PLEKHH2: variants seen among roughly 807,000 people sequenced by gnomAD.
PLEKHH2 encodes pleckstrin homology, MyTH4 and FERM domain containing H2, also known as pleckstrin homology domain-containing family H member 2.
In PLEKHH2, 129 loss-of-function variants were observed where a neutral mutation model predicts 187.9. The ratio of observed to expected loss-of-function variants is 0.69; its 90% CI spans 0.59 to 0.79. The LOEUF (loss-of-function observed/expected upper bound fraction) is 0.79. Among genes scored for constraint, PLEKHH2 ranks in the 30% least tolerant of loss-of-function variants. The pLI, the probability that PLEKHH2 is intolerant of heterozygous loss-of-function variation, is 0.00. For synonymous variants in PLEKHH2, 686 were observed against 605.6 expected (o/e 1.13, Z -1.95); for missense variants, 2,076 against 1,751.2 (o/e 1.19, Z -3.31).
intron 22 of PLEKHH2, among the ~76,000 whole-genome samples, chr2:43,743,623 T>A (rs1294300869): frequency 2.6e-5 from 4 of 152,238 alleles, no homozygotes; most frequent in Admixed American, 6.5e-5. Flanking sequence ...GTCTGTTGGC[T>A]GAAGCTGAGA....
chr2:43,707,638 C>T lies in PLEKHH2; in HGVS notation c.1966+93C>T, dbSNP rs17031331. 2,936 of 1,459,568 alleles carry T rather than the reference C, an allele frequency of 2.0e-3. 55 individuals are homozygous for T. In the African/African-American group the frequency reaches 0.037, roughly 18 times the overall value. The allele number at this position is 1,459,568 out of a possible 1,614,324, so 90.4% of individuals were successfully genotyped here. Reference sequence around the variant, plus strand: ...TCCATTACAGGATTATTTTTTAAATCCAAGAACTTGCTTCAGACCCTAGTG... The same window carrying T: ...TCCATTACAGGATTATTTTTTAAATTCAAGAACTTGCTTCAGACCCTAGTG... On this transcript the variant is annotated intron_variant, in intron 11 of 29. Coordinates refer to ENST00000282406, the MANE Select transcript of PLEKHH2 (RefSeq NM_172069.4).
Position 43,745,863 on chromosome 2 carries a change from T to C in PLEKHH2, c.3556-3T>C. ...AAATCTCAGTTTTCCACTTCCTTTC[T>C]AGATTTGTGACATTATTTCCAAATG... On this transcript the variant is annotated splice_polypyrimidine_tract_variant and splice_region_variant and intron_variant, in intron 23 of 29. Coordinates refer to ENST00000282406, the MANE Select transcript of PLEKHH2 (RefSeq NM_172069.4). The C allele has an allele frequency of 6.3e-7, 1 of 1,598,146 alleles. No individual in the cohort carries two copies. The highest frequency in any genetic ancestry group is 8.6e-7 in the Non-Finnish European group (1 of 1,168,720).
rs749381983 is a variant in PLEKHH2 at position 43,758,888 on chromosome 2, C to T, written c.3942-12C>T. 6.5e-7 allele frequency: 1 copy of T among 1,545,214 alleles called. No homozygotes were observed. The highest frequency in any genetic ancestry group is 8.8e-7 in the Non-Finnish European group (1 of 1,140,798). On this transcript the variant is annotated splice_polypyrimidine_tract_variant and intron_variant, in intron 26 of 29. Transcript: ENST00000282406. ...TTAGTGTTTTTGTTTTTGTTCTTTT[C>T]TTTTTTTTTAGGCAGCTTTGCCAGC...
chr2:43,709,729 G>A (rs780602732), intron 11 of PLEKHH2, among the ~76,000 whole-genome samples: 20 of 152,152 alleles, frequency 1.3e-4, no homozygotes, highest in Non-Finnish European at 2.6e-4. Flanking sequence ...CCAGCTACTC[G>A]GGAGGCTGAG....
At chr2:43,665,829 G>T (rs1273166977) in intron 2 of PLEKHH2, among the ~76,000 whole-genome samples, 2 of 134,024 alleles carry the variant, frequency 1.5e-5, no homozygotes, top group Non-Finnish European at 3.1e-5. Context: ...CAGTCTGCCC[G>T]TTCTCAGATC....
intron 28 of PLEKHH2, among the ~76,000 whole-genome samples, chr2:43,763,467 TGAA>T (rs1672507662): frequency 6.6e-6 from 1 of 152,234 alleles, no homozygotes; most frequent in South Asian, 2.1e-4. Context: ...TCGCCCAGAC[TGAA>T]GTGCGGTGGT....
chr2:43,730,699 T>G (rs935001812), intron 18 of PLEKHH2, among the ~76,000 whole-genome samples: 10 of 152,110 alleles, frequency 6.6e-5, no homozygotes, highest in Non-Finnish European at 4.4e-5. Context: ...GTGCCTGGCC[T>G]GAAATGAATT....
chr2:43,738,859 A>AT (rs1671425685), intron 20 of PLEKHH2, among the ~76,000 whole-genome samples: 2 of 152,238 alleles, frequency 1.3e-5, no homozygotes, highest in African/African-American at 2.4e-5. Context: ...ACATTTCTAT[A>AT]TTTTTTCCTA....
intron 24 of PLEKHH2, among the ~76,000 whole-genome samples, chr2:43,749,779 C>A (rs762454177): frequency 2.0e-5 from 3 of 152,182 alleles, no homozygotes; most frequent in Admixed American, 6.5e-5. Flanking sequence ...TAGGAGGGAA[C>A]CTTGCTGTGA....
At chr2:43,759,397 C>T (rs1672343009) in intron 27 of PLEKHH2, among the ~76,000 whole-genome samples, 1 of 152,238 alleles carries the variant, frequency 6.6e-6, no homozygotes, top group South Asian at 2.1e-4. Context: ...TCTAGGGATA[C>T]ATAACCTATT....
At chr2:43,695,906 G>A (rs1044119595) in intron 6 of PLEKHH2, among the ~76,000 whole-genome samples, 3 of 152,132 alleles carry the variant, frequency 2.0e-5, no homozygotes, top group African/African-American at 7.2e-5. Flanking sequence ...ACACATTATT[G>A]AACTTGGCAT....
At chr2:43,719,148 G>C (rs1167770079) in intron 15 of PLEKHH2, among the ~76,000 whole-genome samples, 1 of 152,048 alleles carries the variant, frequency 6.6e-6, no homozygotes, top group African/African-American at 2.4e-5. Flanking sequence ...TTAATTGTCT[G>C]TCTTCTTCAC....
At chr2:43,740,465 C>T (rs911284907) in intron 20 of PLEKHH2, among the ~76,000 whole-genome samples, 4 of 152,122 alleles carry the variant, frequency 2.6e-5, no homozygotes, top group Admixed American at 2.6e-4. Flanking sequence ...TATATTGCTG[C>T]TACCTAAAGA....
chr2:43,724,956 CAG>C (rs1372196994), intron 16 of PLEKHH2, among the ~76,000 whole-genome samples: 3 of 152,120 alleles, frequency 2.0e-5, no homozygotes, highest in Non-Finnish European at 4.4e-5. Context: ...CACACACAGA[CAG>C]AGTGAGTTTA....
At chr2:43,757,047 A>G in intron 25 of PLEKHH2, 72 bp from the exon 26 acceptor site, 4 of 1,236,420 alleles carry the variant, frequency 3.2e-6, no homozygotes, top group Non-Finnish European at 2.2e-6. Context: ...TGTTTAGAAA[A>G]AATAAAACTA....
chr2:43,718,854 C>T (rs1670337354), intron 15 of PLEKHH2, among the ~76,000 whole-genome samples: 1 of 152,160 alleles, frequency 6.6e-6, no homozygotes, highest in African/African-American at 2.4e-5. Flanking sequence ...AAACATGTCT[C>T]AAATGAGACA....
Position 43,757,156 on chromosome 2 carries a change from C to T in PLEKHH2, c.3833C>T (p.Pro1278Leu), listed in dbSNP as rs1257586020. 1 of 1,596,824 alleles carries T rather than the reference C, an allele frequency of 6.3e-7. No individual in the cohort carries two copies. Among genetic ancestry groups the T allele is most frequent in the Admixed American group, 1.8e-5 (1 of 56,560 alleles). Residue 1278 changes from proline to leucine, a missense_variant, in exon 26 of 30, where the codon CCA becomes CTA. Coordinates refer to ENST00000282406, the MANE Select transcript of PLEKHH2 (RefSeq NM_172069.4). ...IGDFERPFSTPAGHVTNQCKV... is the reference protein window; with the variant it reads ...IGDFERPFSTLAGHVTNQCKV... ...GATTTTGAAAGACCTTTCTCAACTC[C>T]AGCAGGGCATGTTACCAATCAGTGC...
rs1192773777 is a variant in PLEKHH2 at position 43,700,462 on chromosome 2, A to C, written c.1504A>C (p.Asn502His). 2.5e-6 allele frequency: 4 copies of C among 1,613,882 alleles called. No homozygotes were observed. Among genetic ancestry groups the C allele is most frequent in the Non-Finnish European group, 3.4e-6 (4 of 1,180,012 alleles). ...TGGAGACAGTACAGAAGTTTTAGAG[A>C]ATATGGACACGAGTTGTGATGATGG... Reference protein sequence around the residue: ...VDGDSTEVLENMDTSCDDGLF... With the variant: ...VDGDSTEVLEHMDTSCDDGLF... Residue 502 changes from asparagine (N) to histidine (H), a missense_variant, in exon 8 of 30, where the codon AAT becomes CAT. By Grantham distance (68) the Asn-to-His change is moderately conservative (BLOSUM62 1). Transcript: ENST00000282406.
intron 1 of PLEKHH2, among the ~76,000 whole-genome samples, chr2:43,639,922 G>A (rs1193462404): frequency 6.6e-6 from 1 of 152,110 alleles, no homozygotes; most frequent in Non-Finnish European, 1.5e-5. Flanking sequence ...CCTACAAAGT[G>A]CTGGGATTAC....
Sources: gnomAD v4.1 joint callset for allele counts (sites outside exome capture counted in the v4.1 genomes callset) on GRCh38, gnomAD v4.1.1 for gene constraint, MANE v1.5 for transcripts, NCBI Gene and HGNC (gene_info 2026-07-23, HGNC 2026-07-21) for gene names.